Variants in CCDC112 observed in about 807,000 individuals in gnomAD.
CCDC112 encodes the protein coiled-coil domain containing 112, also known as coiled-coil domain-containing protein 112.
CCDC112 carries 40 observed loss-of-function variants against 66.3 expected under a neutral mutation model. The ratio of observed to expected loss-of-function variants is 0.60; its 90% confidence interval spans 0.47 to 0.79. CCDC112 has a LOEUF of 0.79. CCDC112 is among the 30% of genes least tolerant of loss of function. The probability of loss-of-function intolerance (pLI) is 0.00; values close to 1 mark genes in which losing one functional copy is unlikely to be tolerated. For synonymous variants in CCDC112, 214 were observed against 197.2 expected (o/e 1.09, Z -0.71); for missense variants, 659 against 603.8 (o/e 1.09, Z -0.96).
intron 3 of CCDC112, among the ~76,000 whole-genome samples, chr5:115,278,476 T>A (rs1165943204): frequency 6.6e-6 from 1 of 151,812 alleles, no homozygotes; most frequent in Non-Finnish European, 1.5e-5. Flanking sequence ...GCAAAACTTA[T>A]AAAAATAACT....
chr5:115,276,904 A>C, intron 4 of CCDC112, 61 bp downstream of exon 4: 1 of 1,104,924 alleles, frequency 9.1e-7, no homozygotes, highest in Admixed American at 1.9e-5. Flanking sequence ...GTTTAGCTCC[A>C]TTAATGCCAA....
rs752033869 is a variant in CCDC112, at chr5:115,268,276, CTTTA to C, written c.1548-362_1548-359del. Reference sequence around the variant, plus strand: ...AATAGGGCATCAGGTACTACTTTTACTTTATTTATTTATTTATTTTTTTGAGACG... The same window carrying C: ...AATAGGGCATCAGGTACTACTTTTACTTTATTTATTTATTTTTTTGAGACG... On this transcript the variant is annotated intron_variant, in intron 9 of 9. Transcript: ENST00000379611. Among the ~76,000 whole-genome samples, 96 of 152,150 alleles carry C rather than the reference CTTTA, an allele frequency of 6.3e-4. 1 individual carries two copies. The highest frequency in any genetic ancestry group is 1.8e-3 in the African/African-American group (74 of 41,508).
intron 2 of CCDC112, among the ~76,000 whole-genome samples, chr5:115,282,721 G>C (rs1053183618): frequency 6.6e-6 from 1 of 152,166 alleles, no homozygotes; most frequent in Non-Finnish European, 1.5e-5. Flanking sequence ...GGTTATCTGA[G>C]TGGAAAGGAA....
intron 1 of CCDC112, among the ~76,000 whole-genome samples, chr5:115,293,930 A>G (rs1418599430): frequency 1.3e-5 from 2 of 152,234 alleles, no homozygotes; most frequent in Non-Finnish European, 2.9e-5. Context: ...AGATACTTCA[A>G]AAAAGTCATA....
At chr5:115,277,448 C>A (rs1450590173) in intron 3 of CCDC112, among the ~76,000 whole-genome samples, 1 of 152,086 alleles carries the variant, frequency 6.6e-6, no homozygotes, top group Non-Finnish European at 1.5e-5. Flanking sequence ...GGTCTTAACT[C>A]TATTGTGGGA....
At chr5:115,276,704 C>G (rs1329085733) in intron 4 of CCDC112, among the ~76,000 whole-genome samples, 1 of 152,028 alleles carries the variant, frequency 6.6e-6, no homozygotes, top group African/African-American at 2.4e-5. Flanking sequence ...TTCTGCCTAC[C>G]TTATAATTTC....
intron 1 of CCDC112, among the ~76,000 whole-genome samples, chr5:115,294,333 G>A (rs919002843): frequency 1.2e-4 from 19 of 152,150 alleles, no homozygotes; most frequent in African/African-American, 4.3e-4. Context: ...TTAAGGTGGG[G>A]ACCTAATTTG....
At chr5:115,269,195 TGTTA>T (rs546236475) in intron 8 of CCDC112, among the ~76,000 whole-genome samples, 195 bp from the exon 9 acceptor site, 6 of 152,322 alleles carry the variant, frequency 3.9e-5, no homozygotes, top group Admixed American at 3.9e-4. Flanking sequence ...ATTCATAAAC[TGTTA>T]GTTTATTTCT....
At chr5:115,273,649 T>C (rs773042010) in intron 6 of CCDC112, among the ~76,000 whole-genome samples, 1 of 152,130 alleles carries the variant, frequency 6.6e-6, no homozygotes, top group Non-Finnish European at 1.5e-5. Flanking sequence ...CAAGAAGCAG[T>C]GTGTCTGTTT....
At chr5:115,277,177 G>C (rs777715106) in intron 3 of CCDC112, 123 bp from the exon 4 acceptor site, 1 of 585,144 alleles carries the variant, frequency 1.7e-6, no homozygotes, top group African/African-American at 1.9e-5. Flanking sequence ...AAGAACAAAA[G>C]ATATTTATGT....
rs778702533 is a variant in CCDC112 at position 115,287,696 on chromosome 5, C to CTTT, written c.118-2791_118-2789dup. ...AACAGATGTTAACCAATCCCCTTTCCTTTTTTTTTTTTTTTTTTTTTTTAA... is the reference window on the plus strand; with the variant it reads ...AACAGATGTTAACCAATCCCCTTTCCTTTTTTTTTTTTTTTTTTTTTTTTTTAA... On this transcript the variant is annotated intron_variant, in intron 1 of 9. Transcript: ENST00000379611. Among the ~76,000 whole-genome samples, 103 of 84,720 alleles carry CTTT rather than the reference C, an allele frequency of 1.2e-3. 2 individuals are homozygous for CTTT. Among genetic ancestry groups the CTTT allele is most frequent in the African/African-American group, 4.2e-3 (85 of 20,316 alleles). 55.6% of individuals were successfully genotyped at this position (84,720 alleles called of 152,430 possible). A position where few individuals can be genotyped will look rare whatever the true frequency, so the allele number is the denominator to read the frequency against.
At position 115,267,912 on chromosome 5, in the gene CCDC112, A is replaced by C. The variant is rs140056987; in HGVS notation, c.1554T>G (p.Ile518Met). Reference protein sequence around the residue: ...GPLLHIPHRAIPTWRQGIQRR... With the variant: ...GPLLHIPHRAMPTWRQGIQRR... Reference sequence around the variant, plus strand: ...TCTGTATTCCTTGTCTCCAGGTTGGAATAGCCCTAAGGAGAAAAAGAGAAA... The same window carrying C: ...TCTGTATTCCTTGTCTCCAGGTTGGCATAGCCCTAAGGAGAAAAAGAGAAA... The change falls in exon 10 of 10, where the codon ATT (isoleucine) becomes ATG (methionine). Residue 518 changes from isoleucine (I) to methionine (M), a missense_variant. By Grantham distance (10) the Ile-to-Met change is conservative. Transcript: ENST00000379611. 1 of 1,611,278 alleles carries C rather than the reference A, an allele frequency of 6.2e-7. No individual in the cohort carries two copies. The highest frequency in any genetic ancestry group is 1.3e-5 in the African/African-American group (1 of 74,870).
At chr5:115,272,997 G>A (rs1295817069) in intron 6 of CCDC112, among the ~76,000 whole-genome samples, 1 of 152,172 alleles carries the variant, frequency 6.6e-6, no homozygotes, top group Non-Finnish European at 1.5e-5. Context: ...TAATTCTGGT[G>A]CAACTATTTT....
chr5:115,269,835 T>G, intron 7 of CCDC112, 37 bp from the exon 8 acceptor site: 4 of 1,306,908 alleles, frequency 3.1e-6, no homozygotes, highest in East Asian at 2.4e-5. Context: ...AGAAAGCATG[T>G]GAACTAGAAT....
At chr5:115,276,899 G>T in intron 4 of CCDC112, 66 bp downstream of exon 4, 2 of 995,450 alleles carry the variant, frequency 2.0e-6, no homozygotes, top group Non-Finnish European at 1.5e-6. Flanking sequence ...GTAGAGTTTA[G>T]CTCCATTAAT....
chr5:115,277,301 C>CT, intron 3 of CCDC112: 1 of 272,612 alleles, frequency 3.7e-6, no homozygotes, highest in Non-Finnish European at 6.9e-6. Flanking sequence ...AAGGAAATGT[C>CT]TTTTTTTCCC....
intron 1 of CCDC112, among the ~76,000 whole-genome samples, chr5:115,287,989 T>C (rs1248285731): frequency 6.6e-6 from 1 of 151,992 alleles, no homozygotes; most frequent in Non-Finnish European, 1.5e-5. Flanking sequence ...TGCCTTTTTT[T>C]TTCCCCCCGA....
At chr5:115,277,577 G>A (rs866673478) in intron 3 of CCDC112, among the ~76,000 whole-genome samples, 1 of 152,142 alleles carries the variant, frequency 6.6e-6, no homozygotes, top group South Asian at 2.1e-4. Context: ...TCACTGGCAC[G>A]GCCCTGAGGA....
At chr5:115,290,999 G>A (rs1749904785) in intron 1 of CCDC112, among the ~76,000 whole-genome samples, 1 of 151,886 alleles carries the variant, frequency 6.6e-6, no homozygotes, top group African/African-American at 2.4e-5. Context: ...TTGCCTAATT[G>A]CCCTAGTTAG....
Sources: allele counts gnomAD v4.1 joint callset (sites outside exome capture counted in the v4.1 genomes callset), GRCh38; gene constraint gnomAD v4.1.1; transcripts MANE v1.5; gene names NCBI Gene and HGNC (gene_info 2026-07-23, HGNC 2026-07-21).